The following BTAF1 variants were observed in gnomAD, a reference collection of about 807,000 sequenced individuals.
BTAF1 encodes the protein TATA-binding protein-associated factor 172.
BTAF1 carries 38 observed loss-of-function variants against 227.1 expected under a neutral mutation model. The ratio of observed to expected loss-of-function variants is 0.17; its 90% CI spans 0.13 to 0.22. The LOEUF is 0.22. Among genes scored for constraint, BTAF1 ranks in the 10% least tolerant of loss-of-function variants. The probability of loss-of-function intolerance (pLI) is 1.00; values close to 1 mark genes in which losing one functional copy is unlikely to be tolerated. For missense variants in BTAF1, 1,598 were observed against 2,204.0 expected (o/e 0.73, Z 5.51); for synonymous variants, 742 against 751.9 (o/e 0.99, Z 0.21).
chr10:91,937,783 T>C (rs1844737255), intron 2 of BTAF1, among the ~76,000 whole-genome samples: 1 of 152,188 alleles, frequency 6.6e-6, no homozygotes, highest in African/African-American at 2.4e-5. Context: ...TTTTTTTCCA[T>C]TCTCCAGAGT....
chr10:91,982,778 A>G lies in BTAF1; in HGVS notation c.2223+17A>G, dbSNP rs959244757. 1.9e-6 allele frequency: 3 copies of G among 1,577,680 alleles called. No homozygotes were observed. The highest frequency in any genetic ancestry group is 2.3e-5 in the East Asian group (1 of 44,374). On this transcript the variant is annotated intron_variant, in intron 18 of 37. Coordinates refer to ENST00000265990, the MANE Select transcript of BTAF1 (RefSeq NM_003972.3). ...TTACAAAAGGTAAGATTTTGCCCCA[A>G]AAGTAATAAAGACAAATTAAGTAAA...
At chr10:91,983,204 T>C (rs1848185015) in intron 18 of BTAF1, among the ~76,000 whole-genome samples, 1 of 152,216 alleles carries the variant, frequency 6.6e-6, no homozygotes, top group Non-Finnish European at 1.5e-5. Flanking sequence ...AAGAATAACA[T>C]CTCTGTATTT....
At chr10:91,932,420 T>C (rs994248624) in intron 1 of BTAF1, among the ~76,000 whole-genome samples, 1 of 152,202 alleles carries the variant, frequency 6.6e-6, no homozygotes, top group African/African-American at 2.4e-5. Context: ...AAAAAGGTAA[T>C]ATAAAATATT....
At chr10:91,933,600 CT>C (rs1243491561) in intron 1 of BTAF1, among the ~76,000 whole-genome samples, 1 of 152,124 alleles carries the variant, frequency 6.6e-6, no homozygotes, top group Non-Finnish European at 1.5e-5. Flanking sequence ...CTGGTCGCAG[CT>C]GTCAAAGAAG....
Position 92,018,874 on chromosome 10 carries a change from C to G in BTAF1, c.4802C>G (p.Ala1601Gly). 1 of 1,611,082 alleles carries G rather than the reference C, an allele frequency of 6.2e-7. No homozygotes were observed. Among genetic ancestry groups the G allele is most frequent in the Non-Finnish European group, 8.5e-7 (1 of 1,179,106 alleles). Residue 1601 changes from alanine (A) to glycine (G), a missense_variant, in exon 34 of 38, where the codon GCA becomes GGA. By Grantham distance (60) the Ala-to-Gly change is moderately conservative (BLOSUM62 0). Coordinates refer to ENST00000265990, the MANE Select transcript of BTAF1 (RefSeq NM_003972.3). ...PEFKTTAEKL[A>G]VQNSSLHDIQ... is the part of the protein sequence containing the mutation. ...TTCAAGACCACTGCCGAAAAACTGG[C>G]AGTTCAGAATTCTTCTCTACATGAT...
intron 1 of BTAF1, among the ~76,000 whole-genome samples, chr10:91,934,722 T>C (rs1225926301): frequency 6.6e-6 from 1 of 152,196 alleles, no homozygotes; most frequent in Non-Finnish European, 1.5e-5. Context: ...GTACCCTGAA[T>C]TGCAACCAAA....
Position 91,953,820 on chromosome 10 carries a change from C to T in BTAF1, c.648C>T (p.Ala216=), listed in dbSNP as rs368618805. The T allele has an allele frequency of 3.1e-6, 5 of 1,613,902 alleles. No homozygotes were observed. Among genetic ancestry groups the T allele is most frequent in the African/African-American group, 2.7e-5 (2 of 75,002 alleles). ...AAAAGAACAAAGCTAAAAGAATGGC[C>T]AAGTTATTTGCAAAACAGAGATCCA... ...NRQKNKAKRM[A]KLFAKQRSRD... is the part of the protein sequence containing the mutation. Residue 216 remains alanine, a synonymous_variant, in exon 6 of 38, where the codon GCC becomes GCT. Transcript: ENST00000265990.
At chr10:92,020,191 CT>C (rs1441997294) in intron 34 of BTAF1, among the ~76,000 whole-genome samples, 1 of 151,946 alleles carries the variant, frequency 6.6e-6, no homozygotes, top group Non-Finnish European at 1.5e-5. Flanking sequence ...TGACCATTTG[CT>C]TTTTTCTTGC....
chr10:91,990,124 A>G (rs1311612099), intron 20 of BTAF1, among the ~76,000 whole-genome samples: 1 of 152,222 alleles, frequency 6.6e-6, no homozygotes, highest in African/African-American at 2.4e-5. Flanking sequence ...CTCTGTAGGC[A>G]GGTCTTAAAG....
At chr10:92,027,084 A>T in intron 36 of BTAF1, 46 bp from the exon 37 acceptor site, 2 of 1,563,060 alleles carry the variant, frequency 1.3e-6, no homozygotes, top group Non-Finnish European at 8.6e-7. Context: ...TTGGAACCTC[A>T]AAGCATAATA....
intron 14 of BTAF1, among the ~76,000 whole-genome samples, chr10:91,973,978 G>A (rs1348803673): frequency 6.6e-6 from 1 of 151,490 alleles, no homozygotes; most frequent in East Asian, 1.9e-4. Context: ...TCTTATTCTG[G>A]CTTTCAGCTT....
In BTAF1 at chr10:91,977,376, T is replaced by C. The variant is rs1847771297; in HGVS notation, c.1651-3078T>C. 2.0e-5 allele frequency among the ~76,000 whole-genome samples: 3 copies of C among 152,330 alleles called. No individual in the cohort carries two copies. The South Asian group carries it at 6.2e-4, about 32-fold the overall frequency. On this transcript the variant is annotated intron_variant, in intron 14 of 37. Transcript: ENST00000265990. ...TTTCAGATTGGCTTTTTTCACTTAG[T>C]AATATGCATTTAAGATTTCTCTGTG...
At chr10:91,973,760 C>T (rs1033575477) in intron 14 of BTAF1, among the ~76,000 whole-genome samples, 3 of 151,310 alleles carry the variant, frequency 2.0e-5, no homozygotes, top group South Asian at 2.1e-4. Context: ...AAAAATTAGC[C>T]GGGCGTAGTG....
At chr10:91,932,546 C>A (rs1358478200) in intron 1 of BTAF1, among the ~76,000 whole-genome samples, 1 of 151,966 alleles carries the variant, frequency 6.6e-6, no homozygotes, top group Non-Finnish European at 1.5e-5. Flanking sequence ...GAATACTGTG[C>A]AAAGTGTTGT....
intron 14 of BTAF1, among the ~76,000 whole-genome samples, chr10:91,972,366 C>T (rs542906575): frequency 1.3e-4 from 20 of 152,078 alleles, no homozygotes; most frequent in Non-Finnish European, 2.1e-4. Context: ...GCTCCCTGCT[C>T]CCCTACCCCC....
chr10:91,951,075 C>T (rs1845739032), intron 4 of BTAF1, among the ~76,000 whole-genome samples: 3 of 152,114 alleles, frequency 2.0e-5, no homozygotes, highest in Admixed American at 2.0e-4. Flanking sequence ...ATCCTCCCAC[C>T]TCGGCCACCC....
intron 30 of BTAF1, among the ~76,000 whole-genome samples, chr10:92,013,352 A>G (rs1262765912): frequency 1.3e-5 from 2 of 152,160 alleles, no homozygotes; most frequent in African/African-American, 4.8e-5. Flanking sequence ...TTGAGTGTCA[A>G]AATAATCAGA....
chr10:92,014,418 G>C (rs1850563433), intron 32 of BTAF1, among the ~76,000 whole-genome samples: 1 of 152,070 alleles, frequency 6.6e-6, no homozygotes, highest in Admixed American at 6.5e-5. Flanking sequence ...GTAGAGACTG[G>C]GTCTTGCTGT....
At chr10:92,002,971 A>G (rs949648527) in intron 25 of BTAF1, among the ~76,000 whole-genome samples, 1 of 152,124 alleles carries the variant, frequency 6.6e-6, no homozygotes, top group African/African-American at 2.4e-5. Context: ...CAGCCTGACC[A>G]ACTGGTGAAA....
Sources: allele counts gnomAD v4.1 joint callset (sites outside exome capture counted in the v4.1 genomes callset), GRCh38; gene constraint gnomAD v4.1.1; transcripts MANE v1.5; gene names NCBI Gene and HGNC (gene_info 2026-07-23, HGNC 2026-07-21).